Variants in AGBL4 observed in about 807,000 individuals in gnomAD.
AGBL4 encodes AGBL carboxypeptidase 4.
In AGBL4, 58 loss-of-function variants were observed where a neutral mutation model predicts 66.4. The observed-to-expected ratio is 0.87, with a 90% CI of 0.71 to 1.09. The LOEUF (loss-of-function observed/expected upper bound fraction) is 1.09. AGBL4 is among the 50% of genes least tolerant of loss of function. The pLI is 0.00. For synonymous variants in AGBL4, 234 were observed against 222.9 expected (o/e 1.05, Z -0.44); for missense variants, 579 against 631.0 (o/e 0.92, Z 0.88).
chr1:49,088,495 A>C (rs1478970802), intron 4 of AGBL4, among the ~76,000 whole-genome samples: 1 of 152,212 alleles, frequency 6.6e-6, no homozygotes, highest in African/African-American at 2.4e-5. Flanking sequence ...ATGAGTAAAA[A>C]AGACAAAGAA....
intron 3 of AGBL4, among the ~76,000 whole-genome samples, chr1:49,461,829 A>G (rs1405641786): frequency 6.6e-6 from 1 of 151,758 alleles, no homozygotes; most frequent in Non-Finnish European, 1.5e-5. Context: ...ATAGTATTCC[A>G]TTATGTATAC....
At chr1:49,091,053 G>A (rs1447073245) in intron 4 of AGBL4, among the ~76,000 whole-genome samples, 1 of 152,074 alleles carries the variant, frequency 6.6e-6, no homozygotes, top group African/African-American at 2.4e-5. Context: ...ATTGAAGCTG[G>A]ACCTCTTCCT....
chr1:49,443,750 C>T (rs1331329552), intron 3 of AGBL4, among the ~76,000 whole-genome samples: 2 of 150,878 alleles, frequency 1.3e-5, no homozygotes, highest in East Asian at 1.9e-4. Context: ...TGTTTTAAGA[C>T]TCCATTTTAT....
At chr1:49,726,951 T>G (rs2124701587) in intron 2 of AGBL4, among the ~76,000 whole-genome samples, 1 of 152,280 alleles carries the variant, frequency 6.6e-6, no homozygotes, top group East Asian at 1.9e-4. Flanking sequence ...AAGCCTCTTT[T>G]GACCCAACTC....
chr1:49,246,110 G>A (rs963682612), intron 3 of AGBL4, among the ~76,000 whole-genome samples: 22 of 151,858 alleles, frequency 1.4e-4, no homozygotes, highest in Non-Finnish European at 2.9e-4. Context: ...TTTCAATTGT[G>A]TGGCCTTGCC....
At chr1:48,986,807 C>G (rs1274181917) in intron 5 of AGBL4, among the ~76,000 whole-genome samples, 5 of 151,916 alleles carry the variant, frequency 3.3e-5, no homozygotes, top group African/African-American at 4.8e-5. Context: ...AAAGATTTTA[C>G]TATTCAAATA....
At chr1:49,838,964 A>G (rs955259448) in intron 2 of AGBL4, among the ~76,000 whole-genome samples, 2 of 152,208 alleles carry the variant, frequency 1.3e-5, no homozygotes. Flanking sequence ...GCTGTTTCTC[A>G]GATTACTTGA....
intron 2 of AGBL4, among the ~76,000 whole-genome samples, chr1:49,817,764 T>G (rs74575646): frequency 0.053 from 8,106 of 152,282 alleles, 243 homozygotes; most frequent in African/African-American, 0.071. Flanking sequence ...ATCCCATTTG[T>G]AATGCTGATC....
intron 3 of AGBL4, among the ~76,000 whole-genome samples, chr1:49,689,119 G>C (rs1460228834): frequency 6.6e-6 from 1 of 152,042 alleles, no homozygotes; most frequent in East Asian, 1.9e-4. Context: ...GCCTATGTTT[G>C]TGGAGTATTA....
intron 5 of AGBL4, among the ~76,000 whole-genome samples, chr1:48,972,946 T>C (rs375435361): frequency 6.6e-6 from 1 of 152,160 alleles, no homozygotes; most frequent in South Asian, 2.1e-4. Context: ...GATGTAGGTA[T>C]TACCAGGCTC....
chr1:48,830,062 G>C (rs970881704), intron 6 of AGBL4, among the ~76,000 whole-genome samples: 4 of 152,068 alleles, frequency 2.6e-5, no homozygotes, highest in Non-Finnish European at 5.9e-5. Flanking sequence ...CAGGAAAAGA[G>C]GTCTTAATGA....
Position 48,776,616 on chromosome 1 carries a change from C to A in AGBL4, c.634+90575G>T, listed in dbSNP as rs772033969. 85 of 1,444,860 alleles carry A rather than the reference C, an allele frequency of 5.9e-5. No homozygotes were observed. The African/African-American group carries it at 1.1e-3, about 19-fold the overall frequency. 89.5% of individuals were successfully genotyped at this position (1,444,860 alleles called of 1,614,324 possible). ...CGCCCGCTTGCTCACCTGCCAGCGC[C>A]AGGATCTGGGCCTTGTGGAGCAACA... On this transcript the variant is annotated intron_variant, in intron 6 of 13. Coordinates refer to ENST00000371839, the MANE Select transcript of AGBL4 (RefSeq NM_032785.4).
chr1:48,699,674 C>T (rs144889197), intron 6 of AGBL4, among the ~76,000 whole-genome samples: 3 of 152,290 alleles, frequency 2.0e-5, no homozygotes, highest in Non-Finnish European at 4.4e-5. Flanking sequence ...AATTGCAAGG[C>T]ATATTCTACA....
At chr1:48,781,117 C>T (rs899933672) in intron 6 of AGBL4, among the ~76,000 whole-genome samples, 1 of 152,194 alleles carries the variant, frequency 6.6e-6, no homozygotes, top group Admixed American at 6.5e-5. Context: ...AAATTCCCTA[C>T]CCATGTCACT....
intron 3 of AGBL4, among the ~76,000 whole-genome samples, chr1:49,578,607 C>T (rs1644481884): frequency 6.6e-6 from 1 of 152,130 alleles, no homozygotes; most frequent in South Asian, 2.1e-4. Context: ...ATTTTATTTC[C>T]TTTTTCCCTT....
chr1:49,832,617 T>G (rs1041258307), intron 2 of AGBL4, among the ~76,000 whole-genome samples: 1 of 151,160 alleles, frequency 6.6e-6, no homozygotes, highest in African/African-American at 2.4e-5. Context: ...CCACCAAGAG[T>G]GTAAAAGTGT....
chr1:48,877,978 C>T (rs72891892), intron 5 of AGBL4, among the ~76,000 whole-genome samples: 1,769 of 152,124 alleles, frequency 0.012, 31 homozygotes, highest in African/African-American at 0.039. Flanking sequence ...AAAATGAGGA[C>T]TAAATGGAAT....
chr1:49,168,305 A>T (rs1041606075), intron 4 of AGBL4, among the ~76,000 whole-genome samples: 1 of 152,228 alleles, frequency 6.6e-6, no homozygotes, highest in Non-Finnish European at 1.5e-5. Flanking sequence ...GTAAATGTCC[A>T]GTGTTTACAA....
At chr1:48,598,435 C>T (rs11809799) in intron 9 of AGBL4, among the ~76,000 whole-genome samples, 2,164 of 152,076 alleles carry the variant, frequency 0.014, 55 homozygotes, top group African/African-American at 0.05. Flanking sequence ...TGGTTATAGC[C>T]TATGGCTCTT....
Sources: gnomAD v4.1 joint callset for allele counts (sites outside exome capture counted in the v4.1 genomes callset) on GRCh38, gnomAD v4.1.1 for gene constraint, MANE v1.5 for transcripts, NCBI Gene and HGNC (gene_info 2026-07-23, HGNC 2026-07-21) for gene names.